The following PCDH19 variants were observed in gnomAD, a reference collection of about 807,000 sequenced individuals.
The protein encoded by PCDH19 is protocadherin-19.
A neutral mutation model predicts 46.2 loss-of-function variants in PCDH19; 6 were observed. The ratio of observed to expected loss-of-function variants is 0.13; its 90% CI spans 0.07 to 0.26. The LOEUF (loss-of-function observed/expected upper bound fraction) is 0.26, where lower values mean the gene tolerates loss of function less well. Among genes scored for constraint, PCDH19 ranks in the 10% least tolerant of loss-of-function variants. The pLI is 1.00. For missense variants in PCDH19, 740 were observed against 972.3 expected (o/e 0.76, Z 3.18); for synonymous variants, 481 against 415.7 (o/e 1.16, Z -1.91).
chrX:100,342,332 A>G (rs1207094194), intron 4 of PCDH19, among the ~76,000 whole-genome samples: 1 of 112,466 alleles, frequency 8.9e-6, no homozygotes, highest in East Asian at 2.8e-4. Context: ...ACAAGGTGGA[A>G]GAAGCTACAA....
chrX:100,390,600 A>G (rs1479336877), intron 3 of PCDH19, among the ~76,000 whole-genome samples: 1 of 111,244 alleles, frequency 9.0e-6, no homozygotes, highest in East Asian at 2.8e-4. Flanking sequence ...GCTTTGTTAC[A>G]GAAAGTGCCC....
intron 5 of PCDH19, 46 bp downstream of exon 5, chrX:100,341,857 G>A: frequency 8.7e-7 from 1 of 1,146,288 alleles, no homozygotes; most frequent in Non-Finnish European, 1.2e-6. Flanking sequence ...AACATTTTGG[G>A]TTCTTTGGAG....
rs1420592680 is a variant in PCDH19, at chrX:100,350,291, TAATATTAGAAATTAGA to T, written c.2675+339_2675+354del. 1.2e-4 allele frequency among the ~76,000 whole-genome samples: 13 copies of T among 111,883 alleles called. No homozygotes were observed. The East Asian group carries it at 2.0e-3, about 17-fold the overall frequency. Reference sequence around the variant, plus strand: ...AATATCACATTAGAAATATTAGAAATAATATTAGAAATTAGAAATATTAGAAATAGTGAATATTTGT... The same window carrying T: ...AATATCACATTAGAAATATTAGAAATAATATTAGAAATAGTGAATATTTGT... On this transcript the variant is annotated intron_variant, in intron 4 of 5. Transcript: ENST00000373034.
rs58882829 is a variant in PCDH19, at chrX:100,325,125, CTAGATAGA to C, written c.2848+16770_2848+16777del. Among the ~76,000 whole-genome samples, 740 of 91,460 alleles carry C rather than the reference CTAGATAGA, an allele frequency of 8.1e-3. 7 individuals carry two copies. The highest frequency in any genetic ancestry group is 0.026 in the Middle Eastern group (5 of 189). The allele number at this position is 91,460 out of a possible 115,157, so 79.4% of individuals were successfully genotyped here. ...AATTATATTGTACTAAGAAAAAATA[CTAGATAGA>C]TAGATAGATAGATAGATAGATAGAT... On this transcript the variant is annotated intron_variant, in intron 5 of 5. Coordinates refer to ENST00000373034, the MANE Select transcript of PCDH19 (RefSeq NM_001184880.2).
chrX:100,407,752 G>A lies in PCDH19; in HGVS notation c.846C>T (p.Asn282=), dbSNP rs750813033. Residue 282 remains asparagine (N), a synonymous_variant, in exon 1 of 6, where the codon AAC becomes AAT. Transcript: ENST00000373034. ...TCTGAAAGAGCTCGCGCGTGCGGTCGTTGACGTAGCCATAGAAGGAGTAGA... is the reference window on the plus strand; with the variant it reads ...TCTGAAAGAGCTCGCGCGTGCGGTCATTGACGTAGCCATAGAAGGAGTAGA... The part of the protein sequence containing the change: ...QVVYSFYGYV[N]DRTRELFQID... 39 of 1,211,137 alleles carry A rather than the reference G, an allele frequency of 3.2e-5. No individual in the cohort carries two copies. Among genetic ancestry groups the A allele is most frequent in the Non-Finnish European group, 3.9e-5 (35 of 895,432 alleles).
rs1602637247 is a variant in PCDH19, at chrX:100,407,803, T to C, written c.795A>G (p.Pro265=). Residue 265 remains proline, a synonymous_variant, in exon 1 of 6, where the codon CCA becomes CCG. Transcript: ENST00000373034. ...TPVIRLNASD[P]DEGTNGQVVY... is the part of the protein sequence containing the mutation. Reference sequence around the variant, plus strand: ...CCACCTGGCCGTTGGTGCCCTCGTCTGGATCGCTGGCGTTGAGGCGGATGA... The same window carrying C: ...CCACCTGGCCGTTGGTGCCCTCGTCCGGATCGCTGGCGTTGAGGCGGATGA... 1 of 1,212,459 alleles carries C rather than the reference T, an allele frequency of 8.2e-7. No individual in the cohort carries two copies. The highest frequency in any genetic ancestry group is 2.3e-4 in the Middle Eastern group (1 of 4,355).
At chrX:100,347,626 T>C (rs1351180336) in intron 4 of PCDH19, among the ~76,000 whole-genome samples, 1 of 111,560 alleles carries the variant, frequency 9.0e-6, no homozygotes, top group Non-Finnish European at 1.9e-5. Context: ...TCAAGGTAGA[T>C]AGATGTAAAA....
intron 5 of PCDH19, among the ~76,000 whole-genome samples, chrX:100,322,833 G>GTATATATATATATATATATATA (rs60720039): frequency 1.2e-4 from 6 of 48,775 alleles, no homozygotes; most frequent in African/African-American, 6.7e-4. Flanking sequence ...ATATTCCTAA[G>GTATATATATATATATATATATA]TATATATATA....
chrX:100,296,199 T>C lies in PCDH19; in HGVS notation c.*78A>G. On this transcript the variant is annotated 3_prime_UTR_variant, in exon 6 of 6. Coordinates refer to ENST00000373034, the MANE Select transcript of PCDH19 (RefSeq NM_001184880.2). ...ATATAGCCACTCAAGAACCAACCAT[T>C]GGTGAGCAATTAAAACAAGAAGCTC... 1.3e-6 allele frequency: 1 copy of C among 784,042 alleles called. No individual in the cohort carries two copies. Among genetic ancestry groups the C allele is most frequent in the Non-Finnish European group, 2.0e-6 (1 of 507,023 alleles). 64.6% of individuals were successfully genotyped at this position (784,042 alleles called of 1,213,427 possible).
intron 5 of PCDH19, among the ~76,000 whole-genome samples, chrX:100,329,817 G>A (rs1358007898): frequency 1.8e-5 from 2 of 111,262 alleles, no homozygotes; most frequent in African/African-American, 6.5e-5. Context: ...GAGGCTGAGG[G>A]AAGAGAATCT....
intron 5 of PCDH19, among the ~76,000 whole-genome samples, chrX:100,303,904 A>C (rs1369524121): frequency 8.9e-6 from 1 of 112,554 alleles, no homozygotes; most frequent in Non-Finnish European, 1.9e-5. Flanking sequence ...GGCATTCAAA[A>C]CACCTATGTG....
intron 5 of PCDH19, among the ~76,000 whole-genome samples, chrX:100,333,231 A>AAGAAAGAAAGAG (rs1925973338): frequency 9.6e-6 from 1 of 104,417 alleles, no homozygotes; most frequent in Non-Finnish European, 2.0e-5. Flanking sequence ...GAAAGAAAGA[A>AAGAAAGAAAGAG]AGAAAGAAAG....
At chrX:100,354,331 C>A (rs978074359) in intron 3 of PCDH19, among the ~76,000 whole-genome samples, 5 of 111,648 alleles carry the variant, frequency 4.5e-5, no homozygotes, top group Non-Finnish European at 7.5e-5. Flanking sequence ...GGTTCTCAGC[C>A]CTAACTACAC....
intron 3 of PCDH19, among the ~76,000 whole-genome samples, chrX:100,378,539 AACT>A (rs943553598): frequency 8.9e-6 from 1 of 112,394 alleles, no homozygotes; most frequent in Non-Finnish European, 1.9e-5. Flanking sequence ...GAATATGCTA[AACT>A]AAACCTTGCC....
At chrX:100,380,716 T>C (rs1927529421) in intron 3 of PCDH19, among the ~76,000 whole-genome samples, 1 of 112,287 alleles carries the variant, frequency 8.9e-6, no homozygotes, top group African/African-American at 3.2e-5. Context: ...TCAAAAGTGC[T>C]GGCAGAAATG....
In PCDH19 at chrX:100,322,867, T is replaced by TATATATATA. The variant is rs1569291909; in HGVS notation, c.2848+19035_2848+19036insTATATATAT. Among the ~76,000 whole-genome samples, 4 of 38,419 alleles carry TATATATATA rather than the reference T, an allele frequency of 1.0e-4. No homozygotes were observed. The East Asian group carries it at 2.0e-3, about 20-fold the overall frequency. The allele number at this position is 38,419 out of a possible 115,157, so 33.4% of individuals were successfully genotyped here. ...TATATATATATATATATATATATAT[T>TATATATATA]TTTGCAGCTATTGTAAAAGGGGTTG... is the stretch of plus-strand genomic sequence containing the variant. On this transcript the variant is annotated intron_variant, in intron 5 of 5. Transcript: ENST00000373034.
chrX:100,371,884 C>CACACACACACA (rs1555981142), intron 3 of PCDH19, among the ~76,000 whole-genome samples: 4 of 89,013 alleles, frequency 4.5e-5, no homozygotes, highest in African/African-American at 2.0e-4. Context: ...ACACACACAC[C>CACACACACACA]CACACAAAAC....
intron 3 of PCDH19, among the ~76,000 whole-genome samples, chrX:100,377,078 A>G (rs957532313): frequency 8.9e-6 from 1 of 112,354 alleles, no homozygotes; most frequent in African/African-American, 3.2e-5. Flanking sequence ...GTTAGAGCAC[A>G]GTCTACATAG....
intron 3 of PCDH19, among the ~76,000 whole-genome samples, chrX:100,382,490 A>T (rs1927582895): frequency 8.9e-6 from 1 of 112,342 alleles, no homozygotes; most frequent in Admixed American, 9.5e-5. Context: ...ATTCATTTGT[A>T]AGTCACTTGC....
Sources: gnomAD v4.1 joint callset for allele counts (sites outside exome capture counted in the v4.1 genomes callset) on GRCh38, gnomAD v4.1.1 for gene constraint, MANE v1.5 for transcripts, NCBI Gene and HGNC (gene_info 2026-07-23, HGNC 2026-07-21) for gene names.